The following DGKB variants were observed in gnomAD, a reference collection of about 807,000 sequenced individuals.
DGKB encodes 90 kDa diacylglycerol kinase.
A neutral mutation model predicts 114.3 loss-of-function variants in DGKB; 67 were observed. The observed-to-expected ratio is 0.59, with a 90% CI of 0.48 to 0.72. The LOEUF (loss-of-function observed/expected upper bound fraction) is 0.72, where lower values mean the gene tolerates loss of function less well. Ranked by LOEUF, DGKB falls within the 30% of genes least tolerant of loss-of-function variation. The pLI, the probability that DGKB is intolerant of heterozygous loss-of-function variation, is 0.00. For missense variants in DGKB, 907 were observed against 975.2 expected (o/e 0.93, Z 0.93); for synonymous variants, 398 against 323.1 (o/e 1.23, Z -2.49).
intron 23 of DGKB, among the ~76,000 whole-genome samples, chr7:14,333,558 C>G (rs1237784062): frequency 6.7e-6 from 1 of 149,968 alleles, no homozygotes; most frequent in Admixed American, 6.6e-5. Context: ...TCATAGATTT[C>G]TGCATTTTGT....
chr7:14,711,616 G>A (rs538956661), intron 6 of DGKB, among the ~76,000 whole-genome samples: 4 of 152,276 alleles, frequency 2.6e-5, no homozygotes, highest in South Asian at 4.1e-4. Context: ...ATGTACACAT[G>A]TATATTGACT....
intron 21 of DGKB, among the ~76,000 whole-genome samples, chr7:14,453,922 A>G (rs1288587693): frequency 6.6e-6 from 1 of 152,180 alleles, no homozygotes; most frequent in Non-Finnish European, 1.5e-5. Context: ...ATCAGTGGGA[A>G]GTATGTATAT....
At chr7:14,442,747 T>C (rs1830240981) in intron 21 of DGKB, among the ~76,000 whole-genome samples, 1 of 152,174 alleles carries the variant, frequency 6.6e-6, no homozygotes, top group African/African-American at 2.4e-5. Flanking sequence ...GATCATGCTA[T>C]GGTGCCCAGG....
At chr7:14,607,839 G>GTT (rs1563663154) in intron 16 of DGKB, among the ~76,000 whole-genome samples, 2 of 126,608 alleles carry the variant, frequency 1.6e-5, no homozygotes, top group East Asian at 3.9e-4. Flanking sequence ...TCAAATAAAT[G>GTT]TATTTTTTTA....
intron 21 of DGKB, among the ~76,000 whole-genome samples, chr7:14,381,996 T>C (rs990141835): frequency 3.3e-5 from 5 of 152,230 alleles, no homozygotes; most frequent in Non-Finnish European, 7.3e-5. Flanking sequence ...TGACTTCTTT[T>C]TGGAGTCTGA....
intron 1 of DGKB, among the ~76,000 whole-genome samples, chr7:14,955,332 T>G (rs1786439491): frequency 6.6e-6 from 1 of 152,030 alleles, no homozygotes; most frequent in Non-Finnish European, 1.5e-5. Flanking sequence ...ATTTCCTTCA[T>G]AAGAATCTCA....
intron 9 of DGKB, among the ~76,000 whole-genome samples, chr7:14,690,983 T>C (rs1322504771): frequency 6.6e-6 from 1 of 152,198 alleles, no homozygotes; most frequent in Non-Finnish European, 1.5e-5. Flanking sequence ...ATCTTGTATT[T>C]TGTAAAGTTT....
intron 21 of DGKB, among the ~76,000 whole-genome samples, chr7:14,382,451 TACAC>T (rs4027189): frequency 5.3e-5 from 8 of 150,498 alleles, no homozygotes; most frequent in Non-Finnish European, 8.9e-5. Flanking sequence ...TGCATGCCTG[TACAC>T]ACACACACAC....
In DGKB at chr7:14,229,063, T is replaced by C. The variant is rs1028553240; in HGVS notation, c.2123-50912A>G. ...TGTATATGTATGAGAAAATCTATTC[T>C]ACAAAAGAAGGGCAGAACAAATTTT... On this transcript the variant is annotated intron_variant, in intron 23 of 25. Coordinates refer to ENST00000402815, the MANE Select transcript of DGKB (RefSeq NM_001350709.2). Among the ~76,000 whole-genome samples, 68 of 152,126 alleles carry C rather than the reference T, an allele frequency of 4.5e-4. 1 individual carries two copies. The highest frequency in any genetic ancestry group is 4.4e-5 in the Non-Finnish European group (3 of 67,968).
chr7:14,398,133 CT>C (rs2128721048), intron 21 of DGKB, among the ~76,000 whole-genome samples: 1 of 152,212 alleles, frequency 6.6e-6, no homozygotes, highest in Admixed American at 6.6e-5. Flanking sequence ...TAAATATCTA[CT>C]TTGATCTCAT....
intron 1 of DGKB, among the ~76,000 whole-genome samples, chr7:14,883,314 A>G (rs554539683): frequency 1.5e-3 from 232 of 152,060 alleles, no homozygotes; most frequent in African/African-American, 5.5e-3. Context: ...CTAAAGTATG[A>G]AGCCTCAATA....
chr7:14,951,480 G>A (rs1018111789), intron 1 of DGKB, among the ~76,000 whole-genome samples: 1 of 152,008 alleles, frequency 6.6e-6, no homozygotes, highest in African/African-American at 2.4e-5. Context: ...ACATCAGTGG[G>A]TTGCAGAGGT....
At chr7:14,631,218 A>C (rs1809624205) in intron 13 of DGKB, among the ~76,000 whole-genome samples, 1 of 147,348 alleles carries the variant, frequency 6.8e-6, no homozygotes, top group African/African-American at 2.5e-5. Context: ...TCCAGATATT[A>C]TTATAGTCCC....
chr7:14,520,254 C>A (rs574395114), intron 20 of DGKB, among the ~76,000 whole-genome samples: 1 of 98,974 alleles, frequency 1.0e-5, no homozygotes, highest in African/African-American at 3.4e-5. Context: ...TGGATTTTGT[C>A]GGTTTTCTTA....
intron 13 of DGKB, among the ~76,000 whole-genome samples, chr7:14,631,963 C>T (rs908405543): frequency 2.0e-5 from 3 of 151,950 alleles, no homozygotes; most frequent in African/African-American, 7.2e-5. Context: ...TAAGAGACTT[C>T]AATCAGCCTC....
intron 6 of DGKB, among the ~76,000 whole-genome samples, chr7:14,704,177 T>C (rs1399449292): frequency 1.3e-5 from 2 of 151,502 alleles, no homozygotes; most frequent in Non-Finnish European, 2.9e-5. Context: ...GGCTTATGCC[T>C]GTAATCCCAC....
intron 23 of DGKB, among the ~76,000 whole-genome samples, chr7:14,259,588 G>A (rs975704961): frequency 2.6e-5 from 4 of 151,926 alleles, no homozygotes; most frequent in African/African-American, 4.8e-5. Flanking sequence ...CACCACATCC[G>A]GCTAATTTTT....
chr7:14,204,784 G>A (rs922416545), intron 23 of DGKB, among the ~76,000 whole-genome samples: 1 of 151,984 alleles, frequency 6.6e-6, no homozygotes, highest in Non-Finnish European at 1.5e-5. Flanking sequence ...CCACGAGTAT[G>A]GGAAGAGAAC....
chr7:14,782,463 T>C (rs1586469082), intron 2 of DGKB, among the ~76,000 whole-genome samples: 1 of 152,214 alleles, frequency 6.6e-6, no homozygotes, highest in South Asian at 2.1e-4. Context: ...GATAATTTTA[T>C]TTTTTTCAAG....
Sources: allele counts gnomAD v4.1 joint callset (sites outside exome capture counted in the v4.1 genomes callset), GRCh38; gene constraint gnomAD v4.1.1; transcripts MANE v1.5; gene names NCBI Gene and HGNC (gene_info 2026-07-23, HGNC 2026-07-21).